Variants in SOX5 observed in about 807,000 individuals in gnomAD.
The protein encoded by SOX5 is transcription factor SOX-5.
In SOX5, 9 loss-of-function variants were observed where a neutral mutation model predicts 92.0. That is an observed-to-expected ratio of 0.10 (90% CI 0.06 to 0.17). The LOEUF (loss-of-function observed/expected upper bound fraction) is 0.17. Among genes scored for constraint, SOX5 ranks in the 10% least tolerant of loss-of-function variants. The pLI is 1.00. For synonymous variants in SOX5, 344 were observed against 336.3 expected (o/e 1.02, Z -0.25); for missense variants, 642 against 944.5 (o/e 0.68, Z 4.20).
chr12:23,651,922 G>A (rs547563552), intron 7 of SOX5, among the ~76,000 whole-genome samples: 9 of 151,650 alleles, frequency 5.9e-5, no homozygotes, highest in South Asian at 2.1e-4. Context: ...ATGGTCTATC[G>A]ATGACCTCAA....
rs1555286304 is a variant in SOX5 at position 24,424,813 on chromosome 12, G to GGC, written c.-250-56175_-250-56174insGC. Among the ~76,000 whole-genome samples, 6 of 150,726 alleles carry GGC rather than the reference G, an allele frequency of 4.0e-5. No homozygotes were observed. In the South Asian group the frequency reaches 6.4e-4, roughly 16 times the overall value. The stretch of plus-strand genomic sequence containing the variant: ...TTCTTTGTGAGTTTTTTTTTTGGGG[G>GGC]GGGGGGATGGCTGTTTTTCCCCCTA... On this transcript the variant is annotated intron_variant, in intron 1 of 4. Transcript: ENST00000446891.
chr12:24,065,253 A>G (rs1308825733), intron 4 of SOX5, among the ~76,000 whole-genome samples: 1 of 151,998 alleles, frequency 6.6e-6, no homozygotes, highest in South Asian at 2.1e-4. Context: ...GTGCCCTCCT[A>G]CTCCTCAAAG....
At chr12:24,015,058 G>C (rs1306940780) in intron 4 of SOX5, among the ~76,000 whole-genome samples, 1 of 151,782 alleles carries the variant, frequency 6.6e-6, no homozygotes, top group Non-Finnish European at 1.5e-5. Context: ...TGTGGAGCTA[G>C]GTTCTCTCTT....
intron 2 of SOX5, among the ~76,000 whole-genome samples, chr12:24,345,555 C>T (rs888495820): frequency 6.6e-6 from 1 of 152,086 alleles, no homozygotes; most frequent in Non-Finnish European, 1.5e-5. Flanking sequence ...ATCCCTTTGA[C>T]CATTACCTGT....
At chr12:24,036,384 T>C (rs989802903) in intron 4 of SOX5, among the ~76,000 whole-genome samples, 3 of 152,132 alleles carry the variant, frequency 2.0e-5, no homozygotes, top group African/African-American at 4.8e-5. Flanking sequence ...GGCATTCAAA[T>C]GCTCAAATGT....
At chr12:23,721,998 A>G (rs1372572373) in intron 6 of SOX5, among the ~76,000 whole-genome samples, 1 of 152,238 alleles carries the variant, frequency 6.6e-6, no homozygotes, top group African/African-American at 2.4e-5. Context: ...AATATCATTG[A>G]GAAATACTGC....
At chr12:24,267,084 G>T (rs913753283) in intron 3 of SOX5, among the ~76,000 whole-genome samples, 1 of 152,132 alleles carries the variant, frequency 6.6e-6, no homozygotes, top group Non-Finnish European at 1.5e-5. Context: ...CTGTCACAAA[G>T]ATTTGACATG....
intron 2 of SOX5, among the ~76,000 whole-genome samples, chr12:24,280,775 C>T (rs1945073057): frequency 6.6e-6 from 1 of 151,626 alleles, no homozygotes; most frequent in Non-Finnish European, 1.5e-5. Flanking sequence ...ATTCTCCAAA[C>T]CAAAGAACCC....
rs1942238394 is a variant in SOX5 at position 23,934,961 on chromosome 12, TCCTTA to T, written c.38+14598_38+14602del. Among the ~76,000 whole-genome samples, 4 of 151,392 alleles carry T rather than the reference TCCTTA, an allele frequency of 2.6e-5. No homozygotes were observed. The South Asian group carries it at 8.3e-4, about 31-fold the overall frequency. On this transcript the variant is annotated intron_variant, in intron 1 of 14. Transcript: ENST00000451604. Reference sequence around the variant, plus strand: ...TGGAACTACAAAGTTAGATGGCTTCTCCTTACTAAGGTATCAAGAAATCAGAAAAA... The same window carrying T: ...TGGAACTACAAAGTTAGATGGCTTCTCTAAGGTATCAAGAAATCAGAAAAA...
At chr12:23,709,773 A>C (rs1484147479) in intron 6 of SOX5, among the ~76,000 whole-genome samples, 3 of 152,218 alleles carry the variant, frequency 2.0e-5, no homozygotes, top group Non-Finnish European at 4.4e-5. Context: ...AAAATACTAC[A>C]TCAGGATAGG....
intron 2 of SOX5, among the ~76,000 whole-genome samples, chr12:23,859,800 G>T (rs995293120): frequency 6.6e-6 from 1 of 152,034 alleles, no homozygotes; most frequent in African/African-American, 2.4e-5. Context: ...TTATTTCTCA[G>T]ACCGGCCGAC....
At chr12:24,553,959 G>C (rs1034128482) in intron 1 of SOX5, among the ~76,000 whole-genome samples, 2 of 152,216 alleles carry the variant, frequency 1.3e-5, no homozygotes, top group Non-Finnish European at 2.9e-5. Flanking sequence ...AAGGTACGTG[G>C]AGATGAGGCT....
chr12:23,848,398 C>A (rs978240666), intron 2 of SOX5, among the ~76,000 whole-genome samples: 1 of 152,114 alleles, frequency 6.6e-6, no homozygotes, highest in African/African-American at 2.4e-5. Flanking sequence ...TCAGTTGCTG[C>A]AGCAGTATAA....
intron 8 of SOX5, among the ~76,000 whole-genome samples, chr12:23,634,626 G>C (rs2138528871): frequency 6.6e-6 from 1 of 152,264 alleles, no homozygotes; most frequent in East Asian, 1.9e-4. Context: ...AAACATTGTA[G>C]TGCCAAACAT....
chr12:23,579,038 AAC>A, intron 9 of SOX5, among the ~76,000 whole-genome samples: 1 of 152,326 alleles, frequency 6.6e-6, no homozygotes, highest in African/African-American at 2.4e-5. Flanking sequence ...GCACAGAGGA[AAC>A]ACAGTGTGAG....
chr12:24,151,677 C>T (rs185743891), intron 4 of SOX5, among the ~76,000 whole-genome samples: 1 of 152,034 alleles, frequency 6.6e-6, no homozygotes, highest in African/African-American at 2.4e-5. Flanking sequence ...TTTTCCTGAA[C>T]TACTCAAACA....
chr12:24,123,788 A>G (rs1463117022), intron 4 of SOX5, among the ~76,000 whole-genome samples: 1 of 152,192 alleles, frequency 6.6e-6, no homozygotes, highest in Non-Finnish European at 1.5e-5. Context: ...GTGTGTACCA[A>G]AGCAAACTGC....
At chr12:23,574,513 T>C (rs1948831120) in intron 10 of SOX5, among the ~76,000 whole-genome samples, 1 of 152,222 alleles carries the variant, frequency 6.6e-6, no homozygotes, top group African/African-American at 2.4e-5. Flanking sequence ...TACATTCTAT[T>C]GTGACTGAAT....
At chr12:23,866,073 C>T (rs1422930250) in intron 2 of SOX5, among the ~76,000 whole-genome samples, 2 of 152,288 alleles carry the variant, frequency 1.3e-5, no homozygotes, top group South Asian at 2.1e-4. Flanking sequence ...ATGGAATCTA[C>T]TCCTGATGAA....
Sources: allele counts gnomAD v4.1 joint callset (sites outside exome capture counted in the v4.1 genomes callset), GRCh38; gene constraint gnomAD v4.1.1; transcripts MANE v1.5; gene names NCBI Gene and HGNC (gene_info 2026-07-23, HGNC 2026-07-21).